The following TIMP2 variants were observed in gnomAD, a reference collection of about 807,000 sequenced individuals.
The protein encoded by TIMP2 is TIMP metallopeptidase inhibitor 2, also known as metalloproteinase inhibitor 2.
In TIMP2, 5 loss-of-function variants were observed where a neutral mutation model predicts 24.3. The ratio of observed to expected loss-of-function variants is 0.21; its 90% CI spans 0.11 to 0.43. TIMP2 has a LOEUF of 0.43. Among genes scored for constraint, TIMP2 ranks in the 20% least tolerant of loss-of-function variants. TIMP2 has a pLI of 1.00. For synonymous variants in TIMP2, 130 were observed against 123.2 expected (o/e 1.06, Z -0.37); for missense variants, 221 against 297.5 (o/e 0.74, Z 1.89).
intron 2 of TIMP2, among the ~76,000 whole-genome samples, chr17:78,873,376 C>A (rs1373726567): frequency 6.8e-6 from 1 of 147,446 alleles, no homozygotes; most frequent in Admixed American, 6.8e-5. Flanking sequence ...AGATGTCTCA[C>A]TGCAACCTCT....
intron 3 of TIMP2, among the ~76,000 whole-genome samples, chr17:78,863,225 G>C (rs1036734042): frequency 2.6e-5 from 4 of 152,164 alleles, no homozygotes; most frequent in South Asian, 4.2e-4. Context: ...TGCCAACATT[G>C]GTTTATTTTT....
At chr17:78,915,961 A>G (rs1172034167) in intron 1 of TIMP2, among the ~76,000 whole-genome samples, 4 of 152,218 alleles carry the variant, frequency 2.6e-5, no homozygotes, top group Non-Finnish European at 4.4e-5. Flanking sequence ...ACTAGTGAAG[A>G]GCAAGAACAT....
intron 1 of TIMP2, among the ~76,000 whole-genome samples, chr17:78,907,293 C>A (rs1365720661): frequency 6.6e-6 from 1 of 152,208 alleles, no homozygotes; most frequent in Non-Finnish European, 1.5e-5. Context: ...GCCTCAGCCT[C>A]CCAAAGTGCT....
intron 3 of TIMP2, among the ~76,000 whole-genome samples, chr17:78,869,994 G>GA (rs1468446140): frequency 1.4e-4 from 1 of 7,150 alleles, no homozygotes; most frequent in Non-Finnish European, 2.5e-4. Context: ...GGTGGGCCAA[G>GA]GCTGAGGAAG....
chr17:78,905,691 G>A (rs2070152479), intron 1 of TIMP2, among the ~76,000 whole-genome samples: 1 of 152,224 alleles, frequency 6.6e-6, no homozygotes, highest in African/African-American at 2.4e-5. Context: ...TCCTGACGCT[G>A]CCTTGGCAAG....
intron 1 of TIMP2, among the ~76,000 whole-genome samples, chr17:78,888,242 C>T (rs1212056326): frequency 6.6e-6 from 1 of 151,506 alleles, no homozygotes; most frequent in Non-Finnish European, 1.5e-5. Context: ...TCACTGCAAC[C>T]TCCACCTCCC....
At chr17:78,881,020 T>C (rs766350112) in intron 1 of TIMP2, among the ~76,000 whole-genome samples, 6 of 152,234 alleles carry the variant, frequency 3.9e-5, no homozygotes, top group Non-Finnish European at 7.3e-5. Flanking sequence ...GGTGGCCCAC[T>C]GTCCCTCAAA....
Position 78,854,897 on chromosome 17 carries a change from C to T in TIMP2, c.*770G>A, listed in dbSNP as rs2069511056. 1 of 117,672 alleles carries T rather than the reference C, an allele frequency of 8.5e-6. No individual in the cohort carries two copies. The highest frequency in any genetic ancestry group is 1.7e-5 in the Non-Finnish European group (1 of 59,122). The allele number at this position is 117,672 out of a possible 1,614,324, so 7.3% of individuals were successfully genotyped here. ...TCAGGACAGGACCTCACCGATTCCT[C>T]CTGCAAGCTGGGGAGCATGTGGGCG... is the stretch of plus-strand genomic sequence containing the variant. On this transcript the variant is annotated 3_prime_UTR_variant, in exon 5 of 5. Transcript: ENST00000262768.
At chr17:78,886,969 G>GAA (rs1332138654) in intron 1 of TIMP2, among the ~76,000 whole-genome samples, 4 of 152,144 alleles carry the variant, frequency 2.6e-5, no homozygotes, top group African/African-American at 9.7e-5. Flanking sequence ...CCATCCACCT[G>GAA]CTTTGGCCTC....
chr17:78,861,394 G>C (rs903402319), intron 3 of TIMP2, among the ~76,000 whole-genome samples: 1 of 152,184 alleles, frequency 6.6e-6, no homozygotes, highest in Non-Finnish European at 1.5e-5. Context: ...AGTAAGGGCT[G>C]TGTCTTAACC....
intron 1 of TIMP2, among the ~76,000 whole-genome samples, chr17:78,875,494 T>C (rs2069720790): frequency 6.6e-6 from 1 of 152,104 alleles, no homozygotes; most frequent in Non-Finnish European, 1.5e-5. Context: ...GACAAGCAGA[T>C]CAGTAGTTCA....
chr17:78,866,735 C>T (rs1271768328), intron 3 of TIMP2, among the ~76,000 whole-genome samples: 2 of 152,160 alleles, frequency 1.3e-5, no homozygotes, highest in Admixed American at 6.6e-5. Context: ...CTGATACACA[C>T]TGTAACATGG....
At chr17:78,862,313 C>T (rs993436935) in intron 3 of TIMP2, among the ~76,000 whole-genome samples, 2 of 152,166 alleles carry the variant, frequency 1.3e-5, no homozygotes, top group Non-Finnish European at 2.9e-5. Flanking sequence ...TATCCTGACT[C>T]GAGGCAAACT....
chr17:78,896,093 A>G lies in TIMP2; in HGVS notation c.131-22174T>C, dbSNP rs1353926232. ...GGGATAAGTCTAGAAAATTGCAGCC[A>G]GCTCCATCCTTCAGGAATCGATCCC... On this transcript the variant is annotated intron_variant, in intron 1 of 4. Transcript: ENST00000262768. This position sits in a 1 kb window ranked among gnomAD's most constrained non-coding sequence, Gnocchi z 4.4. Among the ~76,000 whole-genome samples, 1 of 152,218 alleles carries G rather than the reference A, an allele frequency of 6.6e-6. No homozygotes were observed. Among genetic ancestry groups the G allele is most frequent in the African/African-American group, 2.4e-5 (1 of 41,446 alleles).
At chr17:78,910,681 G>A (rs977277742) in intron 1 of TIMP2, among the ~76,000 whole-genome samples, 5 of 151,978 alleles carry the variant, frequency 3.3e-5, no homozygotes, top group Admixed American at 2.6e-4. Flanking sequence ...TTTCCCATAT[G>A]AGTGAGAACA....
chr17:78,865,342 C>T (rs564328983), intron 3 of TIMP2, among the ~76,000 whole-genome samples: 3 of 152,058 alleles, frequency 2.0e-5, no homozygotes, highest in Admixed American at 6.6e-5. Flanking sequence ...TACTTAATGC[C>T]GCCCAGGTGC....
At chr17:78,877,816 G>T (rs954215868) in intron 1 of TIMP2, among the ~76,000 whole-genome samples, 2 of 150,976 alleles carry the variant, frequency 1.3e-5, no homozygotes, top group Non-Finnish European at 2.9e-5. Context: ...CAATTCTCCT[G>T]CCTCAGCCTC....
chr17:78,872,175 G>A (rs1277856023), intron 2 of TIMP2, among the ~76,000 whole-genome samples: 6 of 150,156 alleles, frequency 4.0e-5, no homozygotes, highest in Non-Finnish European at 7.4e-5. Flanking sequence ...TTAATTAGCA[G>A]AGACGAGGTC....
At position 78,876,913 on chromosome 17, in the gene TIMP2, T is replaced by C. The variant is rs200096776; in HGVS notation, c.131-2994A>G. On this transcript the variant is annotated intron_variant, in intron 1 of 4. Transcript: ENST00000262768. ...TTCATTCTTCAAGACCCAGCTAAAA[T>C]AGCCCTTTTCTGTCTTCCTCTGGGA... Among the ~76,000 whole-genome samples the C allele has an allele frequency of 5.9e-5, 9 of 151,982 alleles. No individual in the cohort carries two copies. The South Asian group carries it at 1.9e-3, about 32-fold the overall frequency.
Sources: allele counts gnomAD v4.1 joint callset (sites outside exome capture counted in the v4.1 genomes callset), GRCh38; gene constraint gnomAD v4.1.1; non-coding constraint Gnocchi (gnomAD v3.1); transcripts MANE v1.5; gene names NCBI Gene and HGNC (gene_info 2026-07-23, HGNC 2026-07-21).